The following FARP2 variants were observed in gnomAD, a reference collection of about 807,000 sequenced individuals.
The protein encoded by FARP2 is FERM, ARHGEF and pleckstrin domain-containing protein 2.
Under a neutral mutation model 130.5 loss-of-function variants are expected in FARP2, and 111 were observed. That is an observed-to-expected ratio of 0.85 (90% confidence interval 0.73 to 1.00). The LOEUF is 1.00. Ranked by LOEUF, FARP2 falls within the 50% of genes least tolerant of loss-of-function variation. FARP2 has a pLI of 0.00. For missense variants in FARP2, 1,385 were observed against 1,346.3 expected, an observed-to-expected ratio of 1.03 and a Z score of -0.45; for synonymous variants, 504 against 516.9, an observed-to-expected ratio of 0.98 and a Z score of 0.34.
intron 13 of FARP2, chr2:241,442,459 A>G (rs1433653040): frequency 4.4e-6 from 2 of 456,720 alleles, no homozygotes; most frequent in South Asian, 3.1e-5. Flanking sequence ...AAGTGGAGAA[A>G]GAGTCCCTTT....
At chr2:241,404,090 C>A (rs894190648) in intron 3 of FARP2, among the ~76,000 whole-genome samples, 158 bp downstream of exon 3, 22 of 152,204 alleles carry the variant, frequency 1.4e-4, no homozygotes, top group African/African-American at 5.3e-4. Context: ...TTAATCCAAG[C>A]CTGAATTCAC....
At chr2:241,416,547 C>T (rs1023652056) in intron 7 of FARP2, among the ~76,000 whole-genome samples, 3 of 152,036 alleles carry the variant, frequency 2.0e-5, no homozygotes, top group Admixed American at 6.6e-5. Context: ...CTTCAGTGAT[C>T]CACTGAAAAC....
chr2:241,437,658 A>ATT lies in FARP2; in HGVS notation c.1158+1122_1158+1123dup, dbSNP rs1478318608. Among the ~76,000 whole-genome samples, 160 of 134,372 alleles carry ATT rather than the reference A, an allele frequency of 1.2e-3. 1 individual carries two copies. The highest frequency in any genetic ancestry group is 3.9e-3 in the African/African-American group (150 of 38,034). The allele number at this position is 134,372 out of a possible 152,430, so 88.2% of individuals were successfully genotyped here. A position where few individuals can be genotyped will look rare whatever the true frequency, so the allele number is the denominator to read the frequency against. On this transcript the variant is annotated intron_variant, in intron 12 of 26. Transcript: ENST00000264042. Reference sequence around the variant, plus strand: ...CATATACATATATATATATTTATTTATTTATTTATTTATTTTTTTTTTTTG... The same window carrying ATT: ...CATATACATATATATATATTTATTTATTTTTATTTATTTATTTTTTTTTTTTG...
At chr2:241,430,586 A>T (rs1300964358) in intron 8 of FARP2, among the ~76,000 whole-genome samples, 1 of 151,912 alleles carries the variant, frequency 6.6e-6, no homozygotes, top group Non-Finnish European at 1.5e-5. Context: ...GAGAAACCTG[A>T]CTCTACTCCC....
chr2:241,492,391 C>T (rs945625975), intron 24 of FARP2, among the ~76,000 whole-genome samples: 2 of 152,196 alleles, frequency 1.3e-5, no homozygotes, highest in African/African-American at 4.8e-5. Flanking sequence ...CTAGCTAGGC[C>T]CGCTCCGCCA....
At chr2:241,437,666 A>ATTTTTT (rs1243876155) in intron 12 of FARP2, among the ~76,000 whole-genome samples, 11 of 129,244 alleles carry the variant, frequency 8.5e-5, no homozygotes, top group Admixed American at 1.8e-4. Context: ...TTATTTATTT[A>ATTTTTT]TTTATTTTTT....
chr2:241,465,711 G>A (rs1044969636), intron 17 of FARP2: 3 of 1,550,752 alleles, frequency 1.9e-6, no homozygotes, highest in Non-Finnish European at 2.6e-6. Context: ...CCCAAGGTGT[G>A]GAGCTCTGCA....
Position 241,491,159 on chromosome 2 carries a change from C to G in FARP2, c.2603C>G (p.Thr868Ser). ...GDTAPALPGRTVCTRPPRSPN... is the reference protein window; with the variant it reads ...GDTAPALPGRSVCTRPPRSPN... Reference sequence around the variant, plus strand: ...ACGGCCCCTGCACTGCCAGGCCGCACTGTGTGCACTCGTCCCCCCAGTGAG... The same window carrying G: ...ACGGCCCCTGCACTGCCAGGCCGCAGTGTGTGCACTCGTCCCCCCAGTGAG... Residue 868 changes from threonine (T) to serine (S), a missense_variant, in exon 23 of 27, where the codon ACT (threonine) becomes AGT (serine). Coordinates refer to ENST00000264042, the MANE Select transcript of FARP2 (RefSeq NM_014808.4). The G allele has an allele frequency of 6.2e-7, 1 of 1,612,712 alleles. No homozygotes were observed. Among genetic ancestry groups the G allele is most frequent in the South Asian group, 1.1e-5 (1 of 91,068 alleles).
chr2:241,452,522 A>G (rs1306269002), intron 13 of FARP2, among the ~76,000 whole-genome samples: 1 of 152,204 alleles, frequency 6.6e-6, no homozygotes, highest in Admixed American at 6.5e-5. Context: ...AAATGTTTAA[A>G]TTAGGCACAG....
chr2:241,484,179 T>G (rs2064696278), intron 20 of FARP2, 63 bp from the exon 21 acceptor site: 1 of 1,605,334 alleles, frequency 6.2e-7, no homozygotes, highest in Admixed American at 1.7e-5. Flanking sequence ...AGAGTCCAAG[T>G]TGGTCTGACT....
Position 241,475,816 on chromosome 2 carries a change from C to T in FARP2, c.2132-41C>T. The T allele has an allele frequency of 6.4e-7, 1 of 1,561,892 alleles. No homozygotes were observed. Among genetic ancestry groups the T allele is most frequent in the Non-Finnish European group, 8.7e-7 (1 of 1,153,586 alleles). Reference sequence around the variant, plus strand: ...TGGTGGGTGGAGGGTGCTGTGCACACCACTGCCTGTACACCTGTACTGAGG... The same window carrying T: ...TGGTGGGTGGAGGGTGCTGTGCACATCACTGCCTGTACACCTGTACTGAGG... On this transcript the variant is annotated intron_variant, in intron 18 of 26. Transcript: ENST00000264042. The surrounding 1 kb of genome is among the most constrained non-coding windows in gnomAD (Gnocchi z 4.4).
At chr2:241,390,174 C>A (rs373035763) in intron 2 of FARP2, among the ~76,000 whole-genome samples, 2 of 152,200 alleles carry the variant, frequency 1.3e-5, no homozygotes, top group Non-Finnish European at 2.9e-5. Context: ...ATGCCCAACC[C>A]CTTGCTCTGT....
intron 9 of FARP2, among the ~76,000 whole-genome samples, chr2:241,433,886 C>G (rs2063151875): frequency 6.6e-6 from 1 of 152,002 alleles, no homozygotes; most frequent in Non-Finnish European, 1.5e-5. Flanking sequence ...ATCAGCTGGG[C>G]TTGGTGTTGT....
At chr2:241,453,787 T>TG (rs2063756877) in intron 13 of FARP2, among the ~76,000 whole-genome samples, 1 of 121,242 alleles carries the variant, frequency 8.2e-6, no homozygotes, top group Admixed American at 8.3e-5. Flanking sequence ...TTTTTTTTTT[T>TG]TTTTTTTTTT....
At chr2:241,467,740 G>A (rs1350844601) in intron 17 of FARP2, among the ~76,000 whole-genome samples, 1 of 152,114 alleles carries the variant, frequency 6.6e-6, no homozygotes, top group Non-Finnish European at 1.5e-5. Flanking sequence ...TTTCTGGAGC[G>A]AGCCCTAAGA....
chr2:241,451,288 A>G (rs1344662765), intron 13 of FARP2, among the ~76,000 whole-genome samples: 1 of 152,076 alleles, frequency 6.6e-6, no homozygotes, highest in Non-Finnish European at 1.5e-5. Flanking sequence ...TGCCGCTTTG[A>G]GAGTATTTCA....
chr2:241,483,448 C>T lies in FARP2; in HGVS notation c.2263-17C>T, dbSNP rs2064674913. The T allele has an allele frequency of 6.2e-7, 1 of 1,612,176 alleles. No homozygotes were observed. Among genetic ancestry groups the T allele is most frequent in the Admixed American group, 1.7e-5 (1 of 60,016 alleles). On this transcript the variant is annotated splice_polypyrimidine_tract_variant and intron_variant, in intron 19 of 26. Transcript: ENST00000264042. ...GCCCTCAGCCCGCTGAAAGGGGACT[C>T]TGTCTCTGTCTTTCAGGAGTTCATC...
intron 14 of FARP2, among the ~76,000 whole-genome samples, chr2:241,460,333 G>A (rs1437704224): frequency 6.6e-6 from 1 of 152,110 alleles, no homozygotes; most frequent in Non-Finnish European, 1.5e-5. Context: ...CCAGGCTGGA[G>A]TGCAGTGGTG....
intron 8 of FARP2, among the ~76,000 whole-genome samples, chr2:241,424,196 G>C (rs4254498): frequency 0.17 from 25,441 of 152,072 alleles, 2,524 homozygotes; most frequent in East Asian, 0.4. Flanking sequence ...GTCTAAAACT[G>C]ATCACATAAT....
Sources: gnomAD v4.1 joint callset for allele counts (sites outside exome capture counted in the v4.1 genomes callset) on GRCh38, gnomAD v4.1.1 for gene constraint, Gnocchi (gnomAD v3.1) non-coding constraint, MANE v1.5 for transcripts, NCBI Gene and HGNC (gene_info 2026-07-23, HGNC 2026-07-21) for gene names.